The following TENM4 variants were observed in gnomAD, a reference collection of about 807,000 sequenced individuals.
TENM4 encodes teneurin transmembrane protein 4.
TENM4 carries 82 observed loss-of-function variants against 243.3 expected under a neutral mutation model. The ratio of observed to expected loss-of-function variants is 0.34; its 90% CI spans 0.28 to 0.40. TENM4 has a LOEUF of 0.40. TENM4 is among the 10% of genes least tolerant of loss of function. The probability of loss-of-function intolerance (pLI) is 1.00; values close to 1 mark genes in which losing one functional copy is unlikely to be tolerated. For missense variants in TENM4, 3,138 were observed against 3,673.3 expected (o/e 0.85, Z 3.77); for synonymous variants, 1,412 against 1,456.3 (o/e 0.97, Z 0.69).
chr11:78,996,564 T>C (rs921891513), intron 6 of TENM4, among the ~76,000 whole-genome samples: 7 of 152,302 alleles, frequency 4.6e-5, no homozygotes, highest in Non-Finnish European at 1.0e-4. Flanking sequence ...TAGGATAGTT[T>C]GTTACACAGC....
intron 19 of TENM4, among the ~76,000 whole-genome samples, chr11:78,753,312 A>G (rs1458214596): frequency 6.6e-6 from 1 of 152,234 alleles, no homozygotes; most frequent in East Asian, 1.9e-4. Flanking sequence ...AACTAGAGCC[A>G]CCTACACAAA....
chr11:78,658,733 G>A lies in TENM4; in HGVS notation c.7635C>T (p.Ser2545=), dbSNP rs533400715. The change falls in exon 34 of 34, where the codon TCC becomes TCT. Residue 2545 remains serine, a synonymous_variant. Transcript: ENST00000278550. The stretch of plus-strand genomic sequence containing the variant: ...GAGCCTGCTGGCAGCTGGTGATTGT[G>A]GAGCCATAGAGCTGGTCAAACCGTT... The part of the protein sequence containing the change: ...TLERFDQLYG[S]TITSCQQAPK... 2.1e-4 allele frequency: 345 copies of A among 1,614,022 alleles called. 6 individuals carry two copies. In the South Asian group the frequency reaches 2.8e-3, roughly 13 times the overall value.
intron 2 of TENM4, among the ~76,000 whole-genome samples, chr11:79,286,025 T>G (rs1856244125): frequency 6.6e-6 from 1 of 152,110 alleles, no homozygotes; most frequent in Non-Finnish European, 1.5e-5. Context: ...AAGGGTAAAT[T>G]TTATAGCACG....
chr11:79,129,489 C>T (rs954953728), intron 4 of TENM4, among the ~76,000 whole-genome samples: 1 of 152,094 alleles, frequency 6.6e-6, no homozygotes, highest in African/African-American at 2.4e-5. Flanking sequence ...GTTTTCAAGC[C>T]CAGCTCGCCC....
At chr11:78,880,457 TAAAAAAAAAA>T (rs71763484) in intron 9 of TENM4, among the ~76,000 whole-genome samples, 62 of 104,606 alleles carry the variant, frequency 5.9e-4, no homozygotes, top group African/African-American at 8.2e-4. Flanking sequence ...CAATAAATAC[TAAAAAAAAAA>T]AAAAAAAAAA....
At chr11:79,085,144 G>A (rs1208860246) in intron 4 of TENM4, among the ~76,000 whole-genome samples, 1 of 152,052 alleles carries the variant, frequency 6.6e-6, no homozygotes, top group Non-Finnish European at 1.5e-5. Flanking sequence ...AGGCCAAGGC[G>A]GGTGGATCAC....
chr11:78,657,050 C>A lies in TENM4; in HGVS notation c.*1008G>T, dbSNP rs1326057543. ...AAGTCATAGAGAGAGGGCTTTGCCTCGGAAGGCAGGCTGGTGCCCTCGCCA... is the reference window on the plus strand; with the variant it reads ...AAGTCATAGAGAGAGGGCTTTGCCTAGGAAGGCAGGCTGGTGCCCTCGCCA... On this transcript the variant is annotated 3_prime_UTR_variant, in exon 34 of 34. Transcript: ENST00000278550. 7 of 398,542 alleles carry A rather than the reference C, an allele frequency of 1.8e-5. No homozygotes were observed. Among genetic ancestry groups the A allele is most frequent in the Non-Finnish European group, 4.4e-6 (1 of 226,128 alleles). The allele number at this position is 398,542 out of a possible 1,614,324, so 24.7% of individuals were successfully genotyped here.
intron 4 of TENM4, among the ~76,000 whole-genome samples, chr11:79,112,439 A>G (rs1861527595): frequency 6.6e-6 from 1 of 151,924 alleles, no homozygotes; most frequent in Non-Finnish European, 1.5e-5. Flanking sequence ...TCAAGCACAC[A>G]GCTGAGCGGG....
intron 12 of TENM4, among the ~76,000 whole-genome samples, chr11:78,845,554 A>G (rs983350954): frequency 1.3e-5 from 2 of 152,214 alleles, no homozygotes; most frequent in Non-Finnish European, 2.9e-5. Flanking sequence ...ACCAGTGCCA[A>G]TTCCAGCAGA....
chr11:78,790,866 T>A (rs1857041806), intron 15 of TENM4, among the ~76,000 whole-genome samples: 1 of 152,196 alleles, frequency 6.6e-6, no homozygotes, highest in Non-Finnish European at 1.5e-5. Flanking sequence ...AATGAGGTCC[T>A]CTACACAGAG....
At position 79,031,664 on chromosome 11, in the gene TENM4, G is replaced by A. The variant is rs746682434; in HGVS notation, c.493+33074C>T. On this transcript the variant is annotated intron_variant, in intron 6 of 33. Coordinates refer to ENST00000278550, the MANE Select transcript of TENM4 (RefSeq NM_001098816.3). ...AGGTGAGGGGTTTAGGACTGTACCT[G>A]TGGAAGGACAGTGGGACTTGTGAGG... 3.9e-4 allele frequency among the ~76,000 whole-genome samples: 59 copies of A among 152,194 alleles called. 1 individual carries two copies. Among genetic ancestry groups the A allele is most frequent in the Non-Finnish European group, 6.2e-4 (42 of 68,036 alleles).
intron 1 of TENM4, among the ~76,000 whole-genome samples, chr11:79,402,312 G>A (rs1565331693): frequency 6.6e-6 from 1 of 152,112 alleles, no homozygotes; most frequent in Non-Finnish European, 1.5e-5. Flanking sequence ...TCAAAACACT[G>A]AATATCAGTG....
At position 78,658,218 on chromosome 11, in the gene TENM4, A is replaced by G; in HGVS notation, c.8150T>C (p.Leu2717Pro). ...CTTCTCCCCCTCTGTCCAGGCCCGC[A>G]GGCCTTCCTCCCCTTCCCGCAGTCT... ...QQRLREGEEG[L>P]RAWTEGEKQQ... The change falls in exon 34 of 34, where the codon CTG becomes CCG. Residue 2717 changes from leucine to proline, a missense_variant. Leu to Pro is a moderately conservative substitution (Grantham distance 98). Transcript: ENST00000278550. The G allele has an allele frequency of 1.9e-6, 3 of 1,613,958 alleles. No homozygotes were observed. The highest frequency in any genetic ancestry group is 2.5e-6 in the Non-Finnish European group (3 of 1,179,890).
intron 1 of TENM4, among the ~76,000 whole-genome samples, chr11:79,303,114 G>A (rs1309737278): frequency 6.6e-6 from 1 of 152,210 alleles, no homozygotes; most frequent in African/African-American, 2.4e-5. Flanking sequence ...TCTTGGCCTT[G>A]CCTGTGTCTG....
At position 78,701,696 on chromosome 11, in the gene TENM4, G is replaced by A. The variant is rs1309419061; in HGVS notation, c.4917C>T (p.Pro1639=). The change falls in exon 28 of 34, where the codon CCC becomes CCT. Residue 1639 remains proline (P), a synonymous_variant. Coordinates refer to ENST00000278550, the MANE Select transcript of TENM4 (RefSeq NM_001098816.3). ...GGCCATCTGGGACCACCAGCCAGAG[G>A]GGCATCCCAGTAGAGTCTCGGCGGA... ...VNVRRDSTGM[P]LWLVVPDGQV... 1 of 1,613,828 alleles carries A rather than the reference G, an allele frequency of 6.2e-7. No individual in the cohort carries two copies. The highest frequency in any genetic ancestry group is 1.7e-5 in the Admixed American group (1 of 60,002).
intron 2 of TENM4, among the ~76,000 whole-genome samples, chr11:79,253,597 G>A (rs1347203588): frequency 2.0e-5 from 3 of 152,180 alleles, no homozygotes; most frequent in Non-Finnish European, 4.4e-5. Flanking sequence ...AGCTGCTGGG[G>A]AACTGTCTGA....
intron 4 of TENM4, among the ~76,000 whole-genome samples, chr11:79,085,095 G>A (rs899536155): frequency 5.3e-5 from 8 of 151,808 alleles, no homozygotes; most frequent in South Asian, 2.1e-4. Context: ...TTTTTTGGCC[G>A]GGTGTAGTGG....
At chr11:78,894,018 T>A (rs1020371930) in intron 7 of TENM4, among the ~76,000 whole-genome samples, 7 of 152,202 alleles carry the variant, frequency 4.6e-5, no homozygotes, top group Non-Finnish European at 8.8e-5. Context: ...GAGGAATATG[T>A]GGTACATGGT....
At chr11:79,353,693 T>C (rs1022498598) in intron 1 of TENM4, among the ~76,000 whole-genome samples, 1 of 148,480 alleles carries the variant, frequency 6.7e-6, no homozygotes, top group Admixed American at 6.8e-5. Context: ...CAAGAAAGGC[T>C]ACAAAGGATA....
Sources: allele counts gnomAD v4.1 joint callset (sites outside exome capture counted in the v4.1 genomes callset), GRCh38; gene constraint gnomAD v4.1.1; transcripts MANE v1.5; gene names NCBI Gene and HGNC (gene_info 2026-07-23, HGNC 2026-07-21).